The following IPO11 variants were observed in gnomAD, a reference collection of about 807,000 sequenced individuals.
IPO11 encodes importin-11.
Under a neutral mutation model 143.2 loss-of-function variants are expected in IPO11, and 66 were observed. The observed-to-expected ratio is 0.46, with a 90% confidence interval of 0.38 to 0.57. The LOEUF is 0.57. IPO11 is among the 20% of genes least tolerant of loss of function. IPO11 has a pLI of 0.00. For synonymous variants in IPO11, 385 were observed against 377.8 expected (o/e 1.02, Z -0.22); for missense variants, 1,026 against 1,141.0 (o/e 0.90, Z 1.45).
intron 19 of IPO11, 105 bp downstream of exon 19, chr5:62,506,462 A>G: frequency 3.2e-6 from 2 of 621,396 alleles, no homozygotes; most frequent in Non-Finnish European, 5.6e-6. Context: ...ACATTAATTG[A>G]AATGCTTCTA....
In IPO11 at chr5:62,528,634, G is replaced by A. The variant is rs192608697; in HGVS notation, c.2013-2075G>A. On this transcript the variant is annotated intron_variant, in intron 21 of 29. Coordinates refer to ENST00000325324, the MANE Select transcript of IPO11 (RefSeq NM_016338.5). ...TCATGCATTTTAACTGGAGGCAGAA[G>A]GTGGTTTTCCAAATTTTGTAGTGGA... Among the ~76,000 whole-genome samples the A allele has an allele frequency of 7.7e-3, 1,167 of 152,234 alleles. 4 individuals carry two copies. Among genetic ancestry groups the A allele is most frequent in the Non-Finnish European group, 0.01 (698 of 68,016 alleles).
At chr5:62,613,298 CTTT>C (rs372608086) in intron 29 of IPO11, among the ~76,000 whole-genome samples, 11 of 69,088 alleles carry the variant, frequency 1.6e-4, no homozygotes, top group African/African-American at 4.3e-4. Flanking sequence ...ACATGCTCTT[CTTT>C]TTTTTTTTTT....
chr5:62,452,070 C>T (rs187993685), intron 5 of IPO11, 137 bp downstream of exon 5: 1 of 644,980 alleles, frequency 1.6e-6, no homozygotes, highest in East Asian at 2.8e-5. Context: ...ATGGTGAAAC[C>T]CCATCTCTAC....
In IPO11 at chr5:62,539,475, C is replaced by T. The variant is rs1267801510; in HGVS notation, c.2250+2186C>T. Among the ~76,000 whole-genome samples the T allele has an allele frequency of 2.6e-5, 4 of 152,284 alleles. No individual in the cohort carries two copies. In the East Asian group the frequency reaches 7.7e-4, roughly 29 times the overall value. ...ATTACATCTGGGATACGGCAGAACT[C>T]TTTGGCTTTAATTTTTTAGCTTATT... On this transcript the variant is annotated intron_variant, in intron 24 of 29. Transcript: ENST00000325324.
chr5:62,569,571 A>G (rs1744068863), intron 27 of IPO11, among the ~76,000 whole-genome samples: 1 of 152,128 alleles, frequency 6.6e-6, no homozygotes, highest in South Asian at 2.1e-4. Context: ...CCATTATCTG[A>G]TTATATAGTA....
rs546633931 is a variant in IPO11, at chr5:62,483,048, A to G, written c.829-53A>G. On this transcript the variant is annotated intron_variant, in intron 9 of 29. Transcript: ENST00000325324. ...TTATAATTGGAGTGATTATATTCCA[A>G]TATGAATTTGGGGAAAATACATTTT... 91 of 1,142,788 alleles carry G rather than the reference A, an allele frequency of 8.0e-5. 1 individual carries two copies. The highest frequency in any genetic ancestry group is 2.8e-4 in the Middle Eastern group (1 of 3,520). The allele number at this position is 1,142,788 out of a possible 1,614,324, so 70.8% of individuals were successfully genotyped here. A position where few individuals can be genotyped will look rare whatever the true frequency, so the allele number is the denominator to read the frequency against.
At chr5:62,432,178 A>G (rs900399033) in intron 1 of IPO11, among the ~76,000 whole-genome samples, 13 of 152,152 alleles carry the variant, frequency 8.5e-5, no homozygotes, top group Non-Finnish European at 1.9e-4. Context: ...CAAACGGCCA[A>G]ACTTGATTTG....
intron 1 of IPO11, among the ~76,000 whole-genome samples, chr5:62,413,157 C>T (rs1291731596): frequency 6.6e-6 from 1 of 152,128 alleles, no homozygotes; most frequent in African/African-American, 2.4e-5. Flanking sequence ...GTGGAGCAAT[C>T]AGGGTGCGGG....
At chr5:62,504,822 C>A in intron 17 of IPO11, 36 bp from the exon 18 acceptor site, 1 of 1,443,206 alleles carries the variant, frequency 6.9e-7, no homozygotes, top group Non-Finnish European at 9.5e-7. Flanking sequence ...TTTGATAAAA[C>A]TTATATATTC....
chr5:62,467,190 C>T lies in IPO11; in HGVS notation c.576C>T (p.Phe192=), dbSNP rs753149976. The change falls in exon 6 of 30, where the codon TTC becomes TTT. Residue 192 remains phenylalanine (F), a synonymous_variant. Coordinates refer to ENST00000325324, the MANE Select transcript of IPO11 (RefSeq NM_016338.5). ...TGTGGAATCACCACACAGACACATT[C>T]CTGCAAGAAGTTTCTTCTGGCAATG... ...CSLWNHHTDT[F]LQEVSSGNEA... 1 of 1,613,874 alleles carries T rather than the reference C, an allele frequency of 6.2e-7. No individual in the cohort carries two copies. The highest frequency in any genetic ancestry group is 1.1e-5 in the South Asian group (1 of 91,026).
At chr5:62,560,164 A>G (rs1743726428) in intron 26 of IPO11, among the ~76,000 whole-genome samples, 1 of 152,174 alleles carries the variant, frequency 6.6e-6, no homozygotes. Flanking sequence ...TTGTCCTTAC[A>G]CTAGGGACAC....
chr5:62,594,303 C>T (rs1214497982), intron 28 of IPO11, among the ~76,000 whole-genome samples: 2 of 152,162 alleles, frequency 1.3e-5, no homozygotes, highest in Non-Finnish European at 2.9e-5. Flanking sequence ...TGATGTAAGT[C>T]TGAGGTATAA....
At chr5:62,496,647 A>G (rs1252653071) in intron 16 of IPO11, among the ~76,000 whole-genome samples, 2 of 152,226 alleles carry the variant, frequency 1.3e-5, no homozygotes, top group African/African-American at 4.8e-5. Context: ...GATATCTTAT[A>G]CATGCATACC....
At chr5:62,507,229 G>A (rs1741583358) in intron 19 of IPO11, among the ~76,000 whole-genome samples, 2 of 152,160 alleles carry the variant, frequency 1.3e-5, no homozygotes. Flanking sequence ...GTATTTTAAT[G>A]GCACTGCCAG....
At chr5:62,476,582 T>C (rs1048854033) in intron 8 of IPO11, 101 bp from the exon 9 acceptor site, 1 of 1,253,482 alleles carries the variant, frequency 8.0e-7, no homozygotes. Flanking sequence ...TAATGCAAAA[T>C]ATGCAAAAAT....
At chr5:62,596,318 C>T (rs1431660446) in intron 28 of IPO11, among the ~76,000 whole-genome samples, 1 of 146,116 alleles carries the variant, frequency 6.8e-6, no homozygotes, top group African/African-American at 2.5e-5. Flanking sequence ...CCTAGAGGCA[C>T]TAAAATTTGA....
At chr5:62,584,175 A>C (rs947259123) in intron 27 of IPO11, among the ~76,000 whole-genome samples, 1 of 152,142 alleles carries the variant, frequency 6.6e-6, no homozygotes, top group Non-Finnish European at 1.5e-5. Context: ...CATATCTCTT[A>C]TTTCTGGGAT....
intron 24 of IPO11, among the ~76,000 whole-genome samples, chr5:62,550,094 T>C (rs1469696718): frequency 6.6e-6 from 1 of 152,212 alleles, no homozygotes; most frequent in Non-Finnish European, 1.5e-5. Flanking sequence ...TAACTGCATG[T>C]GATACCTATG....
chr5:62,435,092 G>GTGTATATATGTGTATATATATGTA (rs1744132772), intron 1 of IPO11, among the ~76,000 whole-genome samples: 6 of 58,266 alleles, frequency 1.0e-4, no homozygotes, highest in African/African-American at 3.0e-4. Context: ...GTGTATATAT[G>GTGTATATATGTGTATATATATGTA]TATATATGTA....
Sources: allele counts gnomAD v4.1 joint callset (sites outside exome capture counted in the v4.1 genomes callset), GRCh38; gene constraint gnomAD v4.1.1; transcripts MANE v1.5; gene names NCBI Gene and HGNC (gene_info 2026-07-23, HGNC 2026-07-21).